The following SUGCT variants were observed in gnomAD, a reference collection of about 807,000 sequenced individuals.
SUGCT encodes succinyl-CoA:glutarate-CoA transferase, also known as succinyl-CoA:glutarate CoA-transferase.
In SUGCT, 41 loss-of-function variants were observed where a neutral mutation model predicts 55.0. The observed-to-expected ratio is 0.74, with a 90% CI of 0.58 to 0.97. The LOEUF (loss-of-function observed/expected upper bound fraction) is 0.97, where lower values mean the gene tolerates loss of function less well. Among genes scored for constraint, SUGCT ranks in the 50% least tolerant of loss-of-function variants. SUGCT has a pLI of 0.00. For missense variants in SUGCT, 568 were observed against 547.8 expected (o/e 1.04, Z -0.37); for synonymous variants, 187 against 200.4 (o/e 0.93, Z 0.56).
intron 10 of SUGCT, among the ~76,000 whole-genome samples, chr7:40,454,404 G>T (rs1052431004): frequency 6.6e-6 from 1 of 152,208 alleles, no homozygotes; most frequent in African/African-American, 2.4e-5. Flanking sequence ...TATGTCCTGA[G>T]AAATGTGTCA....
the SUGCT span, among the ~76,000 whole-genome samples, chr7:40,866,683 C>T: frequency 6.6e-6 from 1 of 151,794 alleles, no homozygotes; most frequent in Admixed American, 6.6e-5. Context: ...ACCTCCAAGC[C>T]CACGTTTCCC....
chr7:40,454,214 C>T (rs905056552), intron 10 of SUGCT, among the ~76,000 whole-genome samples: 2 of 152,012 alleles, frequency 1.3e-5, no homozygotes, highest in African/African-American at 4.8e-5. Context: ...TCATTGTAGT[C>T]CCAGAATGAG....
At chr7:40,792,844 A>C (rs914216469) in intron 13 of SUGCT, among the ~76,000 whole-genome samples, 4 of 152,102 alleles carry the variant, frequency 2.6e-5, no homozygotes, top group African/African-American at 9.7e-5. Context: ...ATCTAGTTGG[A>C]GTTCCCTTAG....
At chr7:40,652,401 A>G (rs1348475480) in intron 12 of SUGCT, among the ~76,000 whole-genome samples, 1 of 152,170 alleles carries the variant, frequency 6.6e-6, no homozygotes, top group Non-Finnish European at 1.5e-5. Flanking sequence ...GATTGAATAC[A>G]TGAAAAAATA....
chr7:40,318,239 A>T (rs574709580), intron 9 of SUGCT, among the ~76,000 whole-genome samples: 1 of 152,318 alleles, frequency 6.6e-6, no homozygotes, highest in Non-Finnish European at 1.5e-5. Context: ...TTTGATAAGA[A>T]AAGGTGATTT....
chr7:40,188,642 G>T (rs1785698566), intron 4 of SUGCT, 62 bp downstream of exon 4: 2 of 1,019,740 alleles, frequency 2.0e-6, no homozygotes, highest in South Asian at 1.6e-5. Context: ...CAAAACTGTT[G>T]ATATCATTGT....
At chr7:40,514,674 CA>C in intron 12 of SUGCT, among the ~76,000 whole-genome samples, 1 of 137,958 alleles carries the variant, frequency 7.2e-6, no homozygotes, top group South Asian at 2.3e-4. Flanking sequence ...CGTGCCATTG[CA>C]CTGCGGCCTG....
intron 13 of SUGCT, among the ~76,000 whole-genome samples, chr7:40,834,686 C>A (rs1792870169): frequency 6.6e-6 from 1 of 152,102 alleles, no homozygotes; most frequent in African/African-American, 2.4e-5. Flanking sequence ...TAAATTGGAA[C>A]CCAGACTGGA....
the SUGCT span, among the ~76,000 whole-genome samples, chr7:40,898,491 G>T: frequency 1.7e-5 from 2 of 116,032 alleles, no homozygotes; most frequent in African/African-American, 2.8e-5. Flanking sequence ...GGGGGGGGGG[G>T]GGGGGGTGGA....
At chr7:40,563,081 C>T (rs1036588161) in intron 12 of SUGCT, among the ~76,000 whole-genome samples, 9 of 152,102 alleles carry the variant, frequency 5.9e-5, no homozygotes, top group Admixed American at 4.6e-4. Flanking sequence ...TGGATCATCA[C>T]GCACATGCAC....
intron 12 of SUGCT, among the ~76,000 whole-genome samples, chr7:40,602,575 T>C (rs889349354): frequency 1.3e-5 from 2 of 152,172 alleles, no homozygotes; most frequent in East Asian, 1.9e-4. Flanking sequence ...GACCACAGAC[T>C]CAGTTTGTCA....
chr7:40,450,866 G>T (rs934570391), intron 10 of SUGCT, among the ~76,000 whole-genome samples: 1 of 152,064 alleles, frequency 6.6e-6, no homozygotes, highest in Non-Finnish European at 1.5e-5. Flanking sequence ...TGCCTCTTTT[G>T]TATGAGAAGG....
chr7:40,284,190 CAGTT>C (rs976585201), intron 8 of SUGCT, among the ~76,000 whole-genome samples: 1 of 152,006 alleles, frequency 6.6e-6, no homozygotes, highest in African/African-American at 2.4e-5. Context: ...GGCAAAGTTT[CAGTT>C]AGATGGGATG....
chr7:40,956,269 G>A, the SUGCT span, among the ~76,000 whole-genome samples: 1 of 151,796 alleles, frequency 6.6e-6, no homozygotes, highest in African/African-American at 2.4e-5. Context: ...GGTTTTTTTT[G>A]GTTGCTAGGC....
At chr7:40,408,637 A>G (rs765433894) in intron 9 of SUGCT, among the ~76,000 whole-genome samples, 4 of 152,158 alleles carry the variant, frequency 2.6e-5, no homozygotes, top group Non-Finnish European at 2.9e-5. Flanking sequence ...TCTAATTACA[A>G]CTTCCATTGA....
intron 12 of SUGCT, among the ~76,000 whole-genome samples, chr7:40,532,610 T>C (rs1284022181): frequency 6.6e-6 from 1 of 151,924 alleles, no homozygotes. Context: ...ACTTTTAATC[T>C]GTAGTGTGAG....
chr7:40,872,017 T>C, the SUGCT span, among the ~76,000 whole-genome samples: 1 of 151,910 alleles, frequency 6.6e-6, no homozygotes, highest in Non-Finnish European at 1.5e-5. Flanking sequence ...GGGGACAGCA[T>C]GGAGGGGAGT....
the SUGCT span, among the ~76,000 whole-genome samples, chr7:40,898,709 A>G: frequency 3.3e-5 from 5 of 152,172 alleles, no homozygotes; most frequent in Non-Finnish European, 7.4e-5. Context: ...AAAAAAAAAA[A>G]TGAACACTTA....
At chr7:40,274,073 C>CTTTTTTTTTTTTTTTTTTTTTTT (rs386409972) in intron 7 of SUGCT, among the ~76,000 whole-genome samples, 1 of 68,002 alleles carries the variant, frequency 1.5e-5, no homozygotes, top group Non-Finnish European at 2.5e-5. Flanking sequence ...TTTTTACCTT[C>CTTTTTTTTTTTTTTTTTTTTTTT]TTTTTTTTTT....
Sources: allele counts gnomAD v4.1 joint callset (sites outside exome capture counted in the v4.1 genomes callset), GRCh38; gene constraint gnomAD v4.1.1; transcripts MANE v1.5; gene names NCBI Gene and HGNC (gene_info 2026-07-23, HGNC 2026-07-21).